NRXN3: variants seen among roughly 807,000 people sequenced by gnomAD.
The protein encoded by NRXN3 is neurexin III.
In NRXN3, 32 loss-of-function variants were observed where a neutral mutation model predicts 137.6. The observed-to-expected ratio is 0.23, with a 90% CI of 0.18 to 0.31. The LOEUF (loss-of-function observed/expected upper bound fraction) is 0.31. Ranked by LOEUF, NRXN3 falls within the 10% of genes least tolerant of loss-of-function variation. The probability of loss-of-function intolerance (pLI) is 1.00; values close to 1 mark genes in which losing one functional copy is unlikely to be tolerated. For missense variants in NRXN3, 1,574 were observed against 2,062.5 expected (o/e 0.76, Z 4.59); for synonymous variants, 798 against 784.5 (o/e 1.02, Z -0.29).
intron 15 of NRXN3, among the ~76,000 whole-genome samples, chr14:79,141,182 C>T (rs1261573996): frequency 2.0e-5 from 3 of 152,142 alleles, no homozygotes; most frequent in African/African-American, 7.2e-5. Flanking sequence ...GACAACACAG[C>T]TCATGCCAGT....
At chr14:78,832,251 G>A (rs1456022972) in intron 10 of NRXN3, among the ~76,000 whole-genome samples, 1 of 152,096 alleles carries the variant, frequency 6.6e-6, no homozygotes. Context: ...ACTTCAAGAA[G>A]TCTGCCTAAG....
chr14:78,902,401 G>T (rs1034762569), intron 10 of NRXN3, among the ~76,000 whole-genome samples: 1 of 152,014 alleles, frequency 6.6e-6, no homozygotes, highest in Non-Finnish European at 1.5e-5. Flanking sequence ...TGTGATAACA[G>T]TATTAGATTA....
At chr14:79,735,702 C>T (rs1293477251) in intron 19 of NRXN3, among the ~76,000 whole-genome samples, 2 of 152,076 alleles carry the variant, frequency 1.3e-5, no homozygotes, top group East Asian at 1.9e-4. Flanking sequence ...CAGACATTTC[C>T]CATGTGAGGA....
chr14:79,255,868 TG>T (rs970438965), intron 15 of NRXN3, among the ~76,000 whole-genome samples: 1 of 152,202 alleles, frequency 6.6e-6, no homozygotes. Context: ...TCTTCTGTTT[TG>T]GGGAAAGAAG....
rs191426985 is a variant in NRXN3, at chr14:78,749,345, C to T, written c.2044+34206C>T. On this transcript the variant is annotated intron_variant, in intron 8 of 20. Coordinates refer to ENST00000335750, the MANE Select transcript of NRXN3 (RefSeq NM_001330195.2). Reference sequence around the variant, plus strand: ...AAAACAATGCCCATAGATTGCCTACCACTATTATTAAGAAAAGCTTTTATG... The same window carrying T: ...AAAACAATGCCCATAGATTGCCTACTACTATTATTAAGAAAAGCTTTTATG... Among the ~76,000 whole-genome samples, 439 of 152,286 alleles carry T rather than the reference C, an allele frequency of 2.9e-3. 4 individuals carry two copies. The highest frequency in any genetic ancestry group is 0.01 in the African/African-American group (418 of 41,554).
chr14:79,069,314 A>G (rs1434333886), intron 15 of NRXN3, among the ~76,000 whole-genome samples: 1 of 152,132 alleles, frequency 6.6e-6, no homozygotes, highest in Non-Finnish European at 1.5e-5. Context: ...GCTCAGTGAT[A>G]TGATTTTAAT....
intron 17 of NRXN3, among the ~76,000 whole-genome samples, chr14:79,672,950 A>G (rs996057124): frequency 2.0e-5 from 3 of 152,098 alleles, no homozygotes; most frequent in Non-Finnish European, 2.9e-5. Context: ...ATAAATATCC[A>G]ATAATAATAA....
intron 15 of NRXN3, among the ~76,000 whole-genome samples, chr14:79,327,226 C>G (rs897121284): frequency 2.0e-5 from 3 of 152,184 alleles, no homozygotes; most frequent in African/African-American, 7.2e-5. Context: ...TGCAGCTCCC[C>G]CAGAAATGCC....
chr14:79,704,795 T>C (rs922323680), intron 19 of NRXN3, among the ~76,000 whole-genome samples: 5 of 152,288 alleles, frequency 3.3e-5, no homozygotes, highest in Admixed American at 3.3e-4. Context: ...CACTCTAATT[T>C]ACTTGTTGCC....
chr14:79,363,265 G>A (rs1027665598), intron 15 of NRXN3, among the ~76,000 whole-genome samples: 11 of 152,180 alleles, frequency 7.2e-5, no homozygotes, highest in Admixed American at 3.3e-4. Context: ...CTCCCAAAGT[G>A]CTGGGATTAT....
At chr14:79,554,764 G>T (rs2153752028) in intron 16 of NRXN3, among the ~76,000 whole-genome samples, 1 of 152,278 alleles carries the variant, frequency 6.6e-6, no homozygotes, top group Non-Finnish European at 1.5e-5. Context: ...ACATTATAGA[G>T]AACAGGTTAC....
intron 15 of NRXN3, among the ~76,000 whole-genome samples, chr14:79,067,198 A>G (rs894617680): frequency 7.9e-5 from 12 of 151,858 alleles, no homozygotes; most frequent in Non-Finnish European, 1.8e-4. Context: ...TTTTTGAAGT[A>G]CTTTTCTGCA....
At chr14:79,810,030 C>G (rs2140806764) in intron 20 of NRXN3, among the ~76,000 whole-genome samples, 1 of 152,240 alleles carries the variant, frequency 6.6e-6, no homozygotes, top group South Asian at 2.1e-4. Context: ...TCCCTTACCC[C>G]TGCTGCTATC....
In NRXN3 at chr14:79,658,577, CACA is replaced by C. The variant is rs548932808; in HGVS notation, c.3445-5198_3445-5196del. 2.3e-3 allele frequency among the ~76,000 whole-genome samples: 355 copies of C among 152,266 alleles called. 2 individuals are homozygous for C. The highest frequency in any genetic ancestry group is 8.2e-3 in the African/African-American group (339 of 41,566). On this transcript the variant is annotated intron_variant, in intron 16 of 20. Coordinates refer to ENST00000335750, the MANE Select transcript of NRXN3 (RefSeq NM_001330195.2). ...ACACTGTTCTCTTGGCCCAACCCAT[CACA>C]ACGAGACCCAAAAGTCCTCTCTTAC...
At chr14:78,350,244 A>G (rs1034430084) in intron 4 of NRXN3, among the ~76,000 whole-genome samples, 1 of 151,938 alleles carries the variant, frequency 6.6e-6, no homozygotes. Flanking sequence ...AGCCGAGGTC[A>G]TGCCATTGCA....
chr14:79,560,668 G>A (rs1298537807), intron 16 of NRXN3, among the ~76,000 whole-genome samples: 4 of 151,398 alleles, frequency 2.6e-5, no homozygotes, highest in East Asian at 3.9e-4. Context: ...GCACCTCCAC[G>A]CCTGGGATTA....
At chr14:79,286,629 C>T (rs1163406119) in intron 15 of NRXN3, among the ~76,000 whole-genome samples, 1 of 149,768 alleles carries the variant, frequency 6.7e-6, no homozygotes, top group East Asian at 2.0e-4. Flanking sequence ...AAGGGTATAC[C>T]TTTCTTTGTC....
chr14:78,243,074 G>C lies in NRXN3; in HGVS notation c.-20G>C, dbSNP rs745721661. The C allele has an allele frequency of 6.7e-7, 1 of 1,484,818 alleles. No homozygotes were observed. Among genetic ancestry groups the C allele is most frequent in the South Asian group, 1.3e-5 (1 of 75,082 alleles). The allele number at this position is 1,484,818 out of a possible 1,614,324, so 92.0% of individuals were successfully genotyped here. A position where few individuals can be genotyped will look rare whatever the true frequency, so the allele number is the denominator to read the frequency against. On this transcript the variant is annotated 5_prime_UTR_variant, in exon 2 of 21. Coordinates refer to ENST00000335750, the MANE Select transcript of NRXN3 (RefSeq NM_001330195.2). This position sits in a 1 kb window ranked among gnomAD's most constrained non-coding sequence, Gnocchi z 4.2. ...TTCCCTGGCCTGTCTGCTCCTCCGG[G>C]CTCTGTCCCAGCAGCGACAATGAGC... is the stretch of plus-strand genomic sequence containing the variant.
intron 6 of NRXN3, among the ~76,000 whole-genome samples, chr14:78,651,636 G>T (rs1234964784): frequency 6.6e-6 from 1 of 152,188 alleles, no homozygotes; most frequent in African/African-American, 2.4e-5. Context: ...ATCTGGGGAG[G>T]TCTCACAATC....
Sources: gnomAD v4.1 joint callset for allele counts (sites outside exome capture counted in the v4.1 genomes callset) on GRCh38, gnomAD v4.1.1 for gene constraint, Gnocchi (gnomAD v3.1) non-coding constraint, MANE v1.5 for transcripts, NCBI Gene and HGNC (gene_info 2026-07-23, HGNC 2026-07-21) for gene names.